CSMD1: variants seen among roughly 807,000 people sequenced by gnomAD.
The protein encoded by CSMD1 is CUB and sushi domain-containing protein 1.
In CSMD1, 213 loss-of-function variants were observed where a neutral mutation model predicts 417.5. The observed-to-expected ratio is 0.51, with a 90% CI of 0.46 to 0.57. The LOEUF is 0.57. CSMD1 is among the 20% of genes least tolerant of loss of function. The probability of loss-of-function intolerance (pLI) is 0.00; values close to 1 mark genes in which losing one functional copy is unlikely to be tolerated. For missense variants in CSMD1, 6,923 were observed against 4,529.7 expected, an observed-to-expected ratio of 1.53 and a Z score of -15.17; for synonymous variants, 2,862 against 1,736.8, an observed-to-expected ratio of 1.65 and a Z score of -16.11.
intron 3 of CSMD1, among the ~76,000 whole-genome samples, chr8:4,215,970 C>T (rs1390251019): frequency 1.3e-5 from 2 of 152,120 alleles, no homozygotes; most frequent in Non-Finnish European, 2.9e-5. Flanking sequence ...CATTTTTATC[C>T]AGACTTAAAC....
At chr8:3,925,640 G>C (rs559661812) in intron 5 of CSMD1, among the ~76,000 whole-genome samples, 1 of 151,942 alleles carries the variant, frequency 6.6e-6, no homozygotes, top group African/African-American at 2.4e-5. Flanking sequence ...GAGATCTGAT[G>C]GGCTTATCAG....
rs771221875 is a variant in CSMD1 at position 4,637,571 on chromosome 8, A to C, written c.86-13T>G. On this transcript the variant is annotated splice_polypyrimidine_tract_variant and intron_variant, in intron 1 of 69. Transcript: ENST00000635120. ...CCACAGTTCTGACCTGGAAGAGAAA[A>C]CACACACAAAAAAGCATATTATTCT... The C allele has an allele frequency of 1.9e-6, 3 of 1,591,642 alleles. No homozygotes were observed. Among genetic ancestry groups the C allele is most frequent in the Non-Finnish European group, 8.6e-7 (1 of 1,160,592 alleles).
At chr8:3,877,539 A>T (rs1288192958) in intron 5 of CSMD1, among the ~76,000 whole-genome samples, 1 of 152,200 alleles carries the variant, frequency 6.6e-6, no homozygotes, top group Non-Finnish European at 1.5e-5. Flanking sequence ...TGTTCCCCAT[A>T]TTCAGGTAAA....
At chr8:3,654,424 T>C (rs1379326777) in intron 7 of CSMD1, among the ~76,000 whole-genome samples, 2 of 152,182 alleles carry the variant, frequency 1.3e-5, no homozygotes, top group Non-Finnish European at 2.9e-5. Flanking sequence ...GTAGTCCACA[T>C]GCCTGTGCAC....
chr8:4,128,608 G>A (rs577321008), intron 3 of CSMD1, among the ~76,000 whole-genome samples: 1 of 152,032 alleles, frequency 6.6e-6, no homozygotes, highest in Non-Finnish European at 1.5e-5. Flanking sequence ...TTGTTACAAA[G>A]CCCATGCTTG....
chr8:4,935,499 C>T (rs1352728046), intron 1 of CSMD1, among the ~76,000 whole-genome samples: 1 of 152,176 alleles, frequency 6.6e-6, no homozygotes, highest in African/African-American at 2.4e-5. Context: ...ATCCATTAAG[C>T]CATGTGTTTC....
In CSMD1 at chr8:4,058,309, G is replaced by A. The variant is rs569364877; in HGVS notation, c.416-26210C>T. 2.7e-4 allele frequency among the ~76,000 whole-genome samples: 41 copies of A among 152,150 alleles called. No individual in the cohort carries two copies. The South Asian group carries it at 4.6e-3, about 17-fold the overall frequency. On this transcript the variant is annotated intron_variant, in intron 3 of 69. Coordinates refer to ENST00000635120, the MANE Select transcript of CSMD1 (RefSeq NM_033225.6). ...CTCTTTGAAGCAACTGTGAATGGGAGTTCACTCACGATTTGGCTCTCTGTT... is the reference window on the plus strand; with the variant it reads ...CTCTTTGAAGCAACTGTGAATGGGAATTCACTCACGATTTGGCTCTCTGTT...
intron 1 of CSMD1, among the ~76,000 whole-genome samples, chr8:4,743,469 C>T (rs1367474351): frequency 1.3e-5 from 2 of 152,140 alleles, no homozygotes; most frequent in Non-Finnish European, 2.9e-5. Context: ...TTCTCACGGG[C>T]CGGTCAGAAA....
chr8:4,127,958 C>T (rs1178928823), intron 3 of CSMD1, among the ~76,000 whole-genome samples: 2 of 152,176 alleles, frequency 1.3e-5, no homozygotes, highest in East Asian at 1.9e-4. Flanking sequence ...CTTGCAAAGC[C>T]TTGTGATATT....
At chr8:4,636,520 G>T (rs1407597363) in intron 2 of CSMD1, among the ~76,000 whole-genome samples, 1 of 152,014 alleles carries the variant, frequency 6.6e-6, no homozygotes, top group Non-Finnish European at 1.5e-5. Flanking sequence ...CAACATAAGG[G>T]TTCATTTTGT....
intron 17 of CSMD1, among the ~76,000 whole-genome samples, chr8:3,389,490 C>A (rs1175844399): frequency 6.6e-6 from 1 of 152,098 alleles, no homozygotes; most frequent in Non-Finnish European, 1.5e-5. Flanking sequence ...ATGCACTGAT[C>A]TCTAGGTTTC....
intron 6 of CSMD1, among the ~76,000 whole-genome samples, chr8:3,746,280 G>C (rs1253852573): frequency 6.6e-6 from 1 of 152,190 alleles, no homozygotes; most frequent in African/African-American, 2.4e-5. Context: ...CGAAGGGATT[G>C]ATAACCTACC....
At chr8:4,292,044 G>C (rs562649536) in intron 3 of CSMD1, among the ~76,000 whole-genome samples, 1 of 152,070 alleles carries the variant, frequency 6.6e-6, no homozygotes, top group South Asian at 2.1e-4. Context: ...TTTAATAATG[G>C]AGGTTTGGAC....
chr8:4,902,116 A>G (rs925120673), intron 1 of CSMD1, among the ~76,000 whole-genome samples: 11 of 152,152 alleles, frequency 7.2e-5, no homozygotes, highest in Admixed American at 2.0e-4. Context: ...CCAAATAACT[A>G]TATATCAATG....
rs116735917 is a variant in CSMD1, at chr8:3,816,046, G to C, written c.819-62004C>G. Among the ~76,000 whole-genome samples the C allele has an allele frequency of 2.6e-3, 403 of 152,232 alleles. 5 individuals are homozygous for C. The highest frequency in any genetic ancestry group is 9.1e-3 in the African/African-American group (378 of 41,552). ...TTGTCTGTGTTATTAGGTCCCCGTGGGTTGGTTCTGATGATGACAATACTT... is the reference window on the plus strand; with the variant it reads ...TTGTCTGTGTTATTAGGTCCCCGTGCGTTGGTTCTGATGATGACAATACTT... On this transcript the variant is annotated intron_variant, in intron 5 of 69. Transcript: ENST00000635120.
intron 4 of CSMD1, among the ~76,000 whole-genome samples, chr8:4,028,054 C>T (rs1415176142): frequency 6.6e-6 from 1 of 151,828 alleles, no homozygotes; most frequent in East Asian, 1.9e-4. Context: ...TTTGAGGCCA[C>T]CACTGTTTTG....
chr8:4,859,885 T>C (rs1802023801), intron 1 of CSMD1, among the ~76,000 whole-genome samples: 1 of 152,068 alleles, frequency 6.6e-6, no homozygotes. Context: ...GGAAATACCA[T>C]TTGACCCAGC....
chr8:3,787,521 A>T (rs17067535), intron 5 of CSMD1, among the ~76,000 whole-genome samples: 85,839 of 151,946 alleles, frequency 0.56, 25,953 homozygotes, highest in Non-Finnish European at 0.68. Flanking sequence ...CCTAACAGCA[A>T]TTAAGAAAAT....
rs536337024 is a variant in CSMD1 at position 4,099,241 on chromosome 8, CTCT to C, written c.416-67145_416-67143del. On this transcript the variant is annotated intron_variant, in intron 3 of 69. Transcript: ENST00000635120. ...ACACACACCATTTCTAATTCCTTCC[CTCT>C]TCAAGTGTCTTTCTTTGTTCTGTTA... 1.1e-3 allele frequency among the ~76,000 whole-genome samples: 161 copies of C among 151,824 alleles called. 1 individual carries two copies. The highest frequency in any genetic ancestry group is 6.5e-3 in the South Asian group (31 of 4,806).
Sources: allele counts gnomAD v4.1 joint callset (sites outside exome capture counted in the v4.1 genomes callset), GRCh38; gene constraint gnomAD v4.1.1; transcripts MANE v1.5; gene names NCBI Gene and HGNC (gene_info 2026-07-23, HGNC 2026-07-21).